Variants in ZNF880 observed in about 807,000 individuals in gnomAD.
ZNF880 encodes the protein zinc finger protein LOC400713.
Under a neutral mutation model 11.8 loss-of-function variants are expected in ZNF880, and 12 were observed. The observed-to-expected ratio is 1.02, with a 90% CI of 0.65 to 1.65. ZNF880 has a LOEUF of 1.65. ZNF880 is among the 40% of genes most tolerant of loss of function. The pLI, the probability that ZNF880 is intolerant of heterozygous loss-of-function variation, is 0.00. For synonymous variants in ZNF880, 210 were observed against 232.4 expected (o/e 0.90, Z 0.88); for missense variants, 601 against 673.9 (o/e 0.89, Z 1.20).
At position 52,384,144 on chromosome 19, in the gene ZNF880, G is replaced by A; in HGVS notation, c.564G>A (p.Glu188=). The change falls in exon 4 of 4, where the codon GAG becomes GAA. Residue 188 remains glutamate, a synonymous_variant. Coordinates refer to ENST00000422689, the MANE Select transcript of ZNF880 (RefSeq NM_001145434.2). ...QIREKPCECN[E]HGKAFRVSSR... ...GGGAAAAACCGTGTGAATGTAATGAGCATGGCAAAGCCTTTAGAGTGTCTT... is the reference window on the plus strand; with the variant it reads ...GGGAAAAACCGTGTGAATGTAATGAACATGGCAAAGCCTTTAGAGTGTCTT... 6.2e-7 allele frequency: 1 copy of A among 1,605,584 alleles called. No homozygotes were observed.
the ZNF880 span, among the ~76,000 whole-genome samples, chr19:52,394,449 G>A: frequency 1.3e-5 from 2 of 150,502 alleles, no homozygotes; most frequent in African/African-American, 2.4e-5. Context: ...TACCCAGCCT[G>A]GTCTCAAACT....
downstream of ZNF880, among the ~76,000 whole-genome samples, chr19:52,388,282 C>CTTTTTTTT (rs68179783): frequency 2.1e-3 from 134 of 63,410 alleles, 35 homozygotes; most frequent in Middle Eastern, 0.047. Context: ...GCAATTTGAA[C>CTTTTTTTT]TTTTTTTTTT....
At chr19:52,368,740 CT>C (rs1327946021), upstream of ZNF880, among the ~76,000 whole-genome samples, 2 of 151,882 alleles carry the variant, frequency 1.3e-5, no homozygotes, top group Admixed American at 1.3e-4. Flanking sequence ...CCTCCAAATT[CT>C]ATGTTTAATA....
chr19:52,372,579 C>T (rs1378486300), intron 1 of ZNF880, among the ~76,000 whole-genome samples: 4 of 150,440 alleles, frequency 2.7e-5, no homozygotes, highest in South Asian at 2.1e-4. Flanking sequence ...TGAGCCACCG[C>T]GCCCGGCCTA....
the ZNF880 span, chr19:52,397,310 A>G: frequency 2.0e-5 from 3 of 152,106 alleles, no homozygotes; most frequent in East Asian, 1.9e-4. Flanking sequence ...TTTATCTTCT[A>G]TGGGCACTGG....
upstream of ZNF880, among the ~76,000 whole-genome samples, chr19:52,369,737 A>T (rs1373655540): frequency 2.0e-5 from 3 of 152,160 alleles, no homozygotes; most frequent in African/African-American, 7.2e-5. Context: ...ATTTTCCTGG[A>T]TCTAATCATC....
At chr19:52,395,046 C>T in the ZNF880 span, among the ~76,000 whole-genome samples, 1 of 152,166 alleles carries the variant, frequency 6.6e-6, no homozygotes, top group Non-Finnish European at 1.5e-5. Context: ...TATCCAGTAA[C>T]ACAGGTCATA....
intron 3 of ZNF880, among the ~76,000 whole-genome samples, chr19:52,375,449 C>T (rs983242801): frequency 6.6e-6 from 1 of 151,946 alleles, no homozygotes; most frequent in Non-Finnish European, 1.5e-5. Flanking sequence ...ACCTTGGCCT[C>T]CCAAAGTGCT....
In ZNF880 at chr19:52,385,360, CATGAG is replaced by C. The variant is rs1568666245; in HGVS notation, c.*49_*53del. ...TAGTAATAATTCACACCTTGCACAG[CATGAG>C]ATAATTCATTCATGAGAGAGTTCTT... On this transcript the variant is annotated 3_prime_UTR_variant, in exon 4 of 4. Transcript: ENST00000422689. 6.5e-7 allele frequency: 1 copy of C among 1,526,752 alleles called. No individual in the cohort carries two copies. The highest frequency in any genetic ancestry group is 8.8e-7 in the Non-Finnish European group (1 of 1,129,966). 94.6% of individuals were successfully genotyped at this position (1,526,752 alleles called of 1,614,324 possible).
chr19:52,395,182 G>A, the ZNF880 span, among the ~76,000 whole-genome samples: 1 of 152,086 alleles, frequency 6.6e-6, no homozygotes, highest in Non-Finnish European at 1.5e-5. Flanking sequence ...AAAGCACTGT[G>A]ATTACAGGCC....
chr19:52,378,645 CA>C (rs3070397), intron 3 of ZNF880, among the ~76,000 whole-genome samples: 2,879 of 85,152 alleles, frequency 0.034, 53 homozygotes, highest in African/African-American at 0.11. Flanking sequence ...GACTCTGTCT[CA>C]AAAAAAAAAA....
intron 3 of ZNF880, among the ~76,000 whole-genome samples, chr19:52,376,142 C>T (rs989803273): frequency 6.6e-6 from 1 of 152,132 alleles, no homozygotes; most frequent in African/African-American, 2.4e-5. Context: ...GGAAGTGTCT[C>T]TTTTGTATAA....
In ZNF880 at chr19:52,369,962, G is replaced by C. The variant is rs1345498838; in HGVS notation, c.-4G>C. 5 of 1,551,522 alleles carry C rather than the reference G, an allele frequency of 3.2e-6. No individual in the cohort carries two copies. Among genetic ancestry groups the C allele is most frequent in the Admixed American group, 3.9e-5 (2 of 50,964 alleles). ...CCGGAAGCAGATTACGTGGAGTGAC[G>C]GTCATGCTGCGGCGTGTGAGTTTCC... On this transcript the variant is annotated 5_prime_UTR_variant, in exon 1 of 4. Transcript: ENST00000422689.
At chr19:52,396,231 AAGT>A in the ZNF880 span, 1 of 151,578 alleles carries the variant, frequency 6.6e-6, no homozygotes, top group African/African-American at 2.4e-5. Context: ...CGGCCTCCCA[AAGT>A]ATTGGGATTA....
the ZNF880 span, chr19:52,396,416 T>C: frequency 6.6e-6 from 1 of 152,198 alleles, no homozygotes; most frequent in African/African-American, 2.4e-5. Flanking sequence ...CCAGTTGCAT[T>C]TCACTAGGCT....
At chr19:52,375,108 CTTGT>C (rs941631566) in intron 3 of ZNF880, among the ~76,000 whole-genome samples, 4 of 149,542 alleles carry the variant, frequency 2.7e-5, no homozygotes, top group African/African-American at 9.8e-5. Context: ...TGTTTGTTTG[CTTGT>C]TTGTTTTTGA....
chr19:52,376,499 C>CG (rs1986557218), intron 3 of ZNF880, among the ~76,000 whole-genome samples: 1 of 10,042 alleles, frequency 1.0e-4, no homozygotes, highest in Admixed American at 9.4e-4. Flanking sequence ...TAGCACCGCC[C>CG]CCCCCCCCCC....
At position 52,369,958 on chromosome 19, in the gene ZNF880, T is replaced by C. The variant is rs1046685573; in HGVS notation, c.-8T>C. On this transcript the variant is annotated 5_prime_UTR_variant, in exon 1 of 4. Transcript: ENST00000422689. ...AGACCCGGAAGCAGATTACGTGGAG[T>C]GACGGTCATGCTGCGGCGTGTGAGT... 6 of 1,551,314 alleles carry C rather than the reference T, an allele frequency of 3.9e-6. No individual in the cohort carries two copies. The African/African-American group carries it at 8.2e-5, about 21-fold the overall frequency.
In ZNF880 at chr19:52,385,561, G is replaced by GCAA. The variant is rs1555804427; in HGVS notation, c.*247_*248insCAA. 2.5e-4 allele frequency: 112 copies of GCAA among 447,244 alleles called. No individual in the cohort carries two copies. Among genetic ancestry groups the GCAA allele is most frequent in the Non-Finnish European group, 3.8e-4 (95 of 252,086 alleles). The allele number at this position is 447,244 out of a possible 1,614,324, so 27.7% of individuals were successfully genotyped here. ...GGATGAAACCATACAGATGGATTATGTATGCTGAGGCTATTATTCAAGGAC... is the reference window on the plus strand; with the variant it reads ...GGATGAAACCATACAGATGGATTATGCAATATGCTGAGGCTATTATTCAAGGAC... On this transcript the variant is annotated 3_prime_UTR_variant, in exon 4 of 4. Coordinates refer to ENST00000422689, the MANE Select transcript of ZNF880 (RefSeq NM_001145434.2).
Sources: allele counts gnomAD v4.1 joint callset (sites outside exome capture counted in the v4.1 genomes callset), GRCh38; gene constraint gnomAD v4.1.1; transcripts MANE v1.5; gene names NCBI Gene and HGNC (gene_info 2026-07-23, HGNC 2026-07-21).